The following GTF3C1 variants were observed in gnomAD, a reference collection of about 807,000 sequenced individuals.
The protein encoded by GTF3C1 is general transcription factor IIIC subunit 1.
Under a neutral mutation model 226.7 loss-of-function variants are expected in GTF3C1, and 57 were observed. The observed-to-expected ratio is 0.25, with a 90% confidence interval of 0.20 to 0.31. GTF3C1 has a LOEUF of 0.31. GTF3C1 is among the 10% of genes least tolerant of loss of function. The pLI is 1.00. For synonymous variants in GTF3C1, 1,090 were observed against 1,084.8 expected, an observed-to-expected ratio of 1.00 and a Z score of -0.09; for missense variants, 2,217 against 2,776.1, an observed-to-expected ratio of 0.80 and a Z score of 4.53.
At chr16:27,478,254 A>G (rs1322615377) in intron 28 of GTF3C1, among the ~76,000 whole-genome samples, 6 of 152,174 alleles carry the variant, frequency 3.9e-5, no homozygotes, top group Non-Finnish European at 8.8e-5. Context: ...TTACCCACAA[A>G]TTGTTCAAAG....
At chr16:27,506,644 G>A (rs952394844) in intron 9 of GTF3C1, among the ~76,000 whole-genome samples, 1 of 152,198 alleles carries the variant, frequency 6.6e-6, no homozygotes, top group African/African-American at 2.4e-5. Flanking sequence ...GTGCCACGAA[G>A]AAATGATTTG....
chr16:27,549,580 C>T, intron 1 of GTF3C1, 90 bp downstream of exon 1: 1 of 764,266 alleles, frequency 1.3e-6, no homozygotes, highest in East Asian at 2.7e-5. Flanking sequence ...TTGCACAGCC[C>T]CACTCCATTC....
chr16:27,491,532 C>T (rs938869186), intron 19 of GTF3C1, among the ~76,000 whole-genome samples: 7 of 152,168 alleles, frequency 4.6e-5, no homozygotes, highest in East Asian at 1.9e-4. Flanking sequence ...GGTGTGGACA[C>T]GCTTTCTCTG....
chr16:27,548,447 A>T (rs2089200103), intron 1 of GTF3C1, among the ~76,000 whole-genome samples: 1 of 152,090 alleles, frequency 6.6e-6, no homozygotes, highest in African/African-American at 2.4e-5. Context: ...TTGTATTTTT[A>T]GTAGAGATAG....
At position 27,502,902 on chromosome 16, in the gene GTF3C1, T is replaced by G; in HGVS notation, c.1864A>C (p.Ile622Leu). 3 of 1,610,610 alleles carry G rather than the reference T, an allele frequency of 1.9e-6. No homozygotes were observed. Among genetic ancestry groups the G allele is most frequent in the Non-Finnish European group, 2.5e-6 (3 of 1,178,390 alleles). The change falls in exon 11 of 37, where the codon ATA becomes CTA. Residue 622 changes from isoleucine (I) to leucine (L), a missense_variant. By Grantham distance (5) the Ile-to-Leu change is conservative. Coordinates refer to ENST00000356183, the MANE Select transcript of GTF3C1 (RefSeq NM_001520.4). ...AAGCGAAGATTGGTGACAGCTTCTA[T>G]GATCAGATTCCTGCGTTTCAGCAGT... ...YRLLKRRNLI[I>L]EAVTNLRLIE...
At chr16:27,464,909 G>A in intron 33 of GTF3C1, 73 bp from the exon 34 acceptor site, 2 of 1,272,408 alleles carry the variant, frequency 1.6e-6, no homozygotes, top group East Asian at 2.5e-5. Context: ...GGGACGAGTG[G>A]AGTGGCCTCC....
chr16:27,503,853 A>C (rs950921030), intron 10 of GTF3C1, among the ~76,000 whole-genome samples: 6 of 152,196 alleles, frequency 3.9e-5, no homozygotes, highest in African/African-American at 1.4e-4. Context: ...AGCTGGGAGT[A>C]GCACTTTCAG....
intron 25 of GTF3C1, 162 bp from the exon 26 acceptor site, chr16:27,483,287 T>C: frequency 1.4e-6 from 1 of 733,342 alleles, no homozygotes; most frequent in South Asian, 1.5e-5. Context: ...AATGAAGGAT[T>C]TGGGGTCAGC....
chr16:27,480,201 CAAAA>C (rs35428757), intron 27 of GTF3C1, among the ~76,000 whole-genome samples: 3 of 61,008 alleles, frequency 4.9e-5, no homozygotes, highest in African/African-American at 1.8e-4. Context: ...GACTCCATCT[CAAAA>C]AAAAAAAAAA....
At chr16:27,495,177 C>A (rs371943230) in intron 15 of GTF3C1, 34 bp downstream of exon 15, 37 of 1,541,108 alleles carry the variant, frequency 2.4e-5, no homozygotes, top group Non-Finnish European at 3.2e-5. Flanking sequence ...TGGGCCTGCC[C>A]GCCCCAGGTG....
At chr16:27,542,948 C>T (rs955674873) in intron 2 of GTF3C1, among the ~76,000 whole-genome samples, 2 of 152,246 alleles carry the variant, frequency 1.3e-5, no homozygotes, top group East Asian at 1.9e-4. Flanking sequence ...CAACACACAA[C>T]ACACTAAGAC....
rs114635130 is a variant in GTF3C1 at position 27,515,879 on chromosome 16, C to T, written c.974-3978G>A. 7.0e-3 allele frequency among the ~76,000 whole-genome samples: 1,064 copies of T among 152,340 alleles called. 16 individuals are homozygous for T. Among genetic ancestry groups the T allele is most frequent in the African/African-American group, 0.024 (1,010 of 41,582 alleles). On this transcript the variant is annotated intron_variant, in intron 6 of 36. Coordinates refer to ENST00000356183, the MANE Select transcript of GTF3C1 (RefSeq NM_001520.4). ...GCCAGGCACCATGCCAAGGGCGGTA[C>T]ATGAATTAACCCATAAAATCCCACA...
intron 19 of GTF3C1, among the ~76,000 whole-genome samples, 185 bp from the exon 20 acceptor site, chr16:27,489,928 G>C (rs1484563013): frequency 6.6e-6 from 1 of 152,230 alleles, no homozygotes; most frequent in South Asian, 2.1e-4. Flanking sequence ...AAGTCAGAGG[G>C]AACAGAGGAA....
chr16:27,498,846 C>T (rs2088361068), intron 12 of GTF3C1, 113 bp from the exon 13 acceptor site: 6 of 707,054 alleles, frequency 8.5e-6, no homozygotes, highest in Non-Finnish European at 1.6e-5. Context: ...TTAACATTTC[C>T]AAAACACGAT....
intron 34 of GTF3C1, 68 bp downstream of exon 34, chr16:27,464,252 C>G (rs2087747932): frequency 9.9e-7 from 1 of 1,014,118 alleles, no homozygotes; most frequent in East Asian, 3.0e-5. Context: ...GGTGTGAGGC[C>G]CATCAGGGCG....
chr16:27,478,357 C>T (rs2087984625), intron 28 of GTF3C1, 112 bp downstream of exon 28: 1 of 774,600 alleles, frequency 1.3e-6, no homozygotes, highest in Non-Finnish European at 2.3e-6. Flanking sequence ...ATTTTGTTCA[C>T]ACAAACAGGT....
chr16:27,484,223 T>C lies in GTF3C1; in HGVS notation c.3989A>G (p.Tyr1330Cys), dbSNP rs777025723. ...ARYIVKNPQAYLNYKVCLAEV... is the reference protein window; with the variant it reads ...ARYIVKNPQACLNYKVCLAEV... Reference sequence around the variant, plus strand: ...CAATGAGGCTTACTTATAGTTGAGATAGGCCTGTGGGTTTTTGACTATGTA... The same window carrying C: ...CAATGAGGCTTACTTATAGTTGAGACAGGCCTGTGGGTTTTTGACTATGTA... Residue 1330 changes from tyrosine (Y) to cysteine (C), a missense_variant, in exon 25 of 37, where the codon TAT becomes TGT. Physicochemically the swap from Tyr to Cys is radical, Grantham distance 194 (BLOSUM62 -2). Transcript: ENST00000356183. 6 of 1,607,416 alleles carry C rather than the reference T, an allele frequency of 3.7e-6. No homozygotes were observed. Among genetic ancestry groups the C allele is most frequent in the Middle Eastern group, 1.7e-4 (1 of 6,054 alleles).
At chr16:27,523,976 C>T (rs1277021837) in intron 6 of GTF3C1, among the ~76,000 whole-genome samples, 1 of 152,222 alleles carries the variant, frequency 6.6e-6, no homozygotes, top group Non-Finnish European at 1.5e-5. Context: ...AAAACCACCA[C>T]TGTCTGTGCT....
In GTF3C1 at chr16:27,545,327, C is replaced by G; in HGVS notation, c.418G>C (p.Glu140Gln). ...KSLQPRCTMVEAFDRWGKKLI... is the reference protein window; with the variant it reads ...KSLQPRCTMVQAFDRWGKKLI... ...CAAAATAGTTACCTGTCAAAGGCTT[C>G]CACCATTGTACAGCGAGGCTGCAAG... The change falls in exon 2 of 37, where the codon GAA becomes CAA. Residue 140 changes from glutamate (E) to glutamine (Q), a missense_variant. Coordinates refer to ENST00000356183, the MANE Select transcript of GTF3C1 (RefSeq NM_001520.4). The G allele has an allele frequency of 6.2e-7, 1 of 1,612,072 alleles. No homozygotes were observed. The highest frequency in any genetic ancestry group is 1.3e-5 in the African/African-American group (1 of 74,992).
Sources: allele counts gnomAD v4.1 joint callset (sites outside exome capture counted in the v4.1 genomes callset), GRCh38; gene constraint gnomAD v4.1.1; transcripts MANE v1.5; gene names NCBI Gene and HGNC (gene_info 2026-07-23, HGNC 2026-07-21).